Variants in AKAP11 observed in about 807,000 individuals in gnomAD.
The protein encoded by AKAP11 is A-kinase anchoring protein 11.
In AKAP11, 36 loss-of-function variants were observed where a neutral mutation model predicts 146.1. The observed-to-expected ratio is 0.25, with a 90% CI of 0.19 to 0.33. AKAP11 has a LOEUF of 0.33. Among genes scored for constraint, AKAP11 ranks in the 10% least tolerant of loss-of-function variants. AKAP11 has a pLI of 1.00. For missense variants in AKAP11, 2,201 were observed against 2,197.0 expected (o/e 1.00, Z -0.04); for synonymous variants, 780 against 786.5 (o/e 0.99, Z 0.14).
At chr13:42,291,399 C>T (rs1373436678) in intron 3 of AKAP11, among the ~76,000 whole-genome samples, 5 of 152,240 alleles carry the variant, frequency 3.3e-5, no homozygotes, top group African/African-American at 7.2e-5. Context: ...ATTACAGGCA[C>T]GTGGCACCAT....
chr13:42,306,658 TA>T (rs1960275793), intron 8 of AKAP11, among the ~76,000 whole-genome samples: 2 of 152,228 alleles, frequency 1.3e-5, no homozygotes, highest in Non-Finnish European at 2.9e-5. Context: ...TTTCTAAAGT[TA>T]AATTTGTCTT....
At chr13:42,299,315 A>G (rs888232109) in intron 7 of AKAP11, 48 bp from the exon 8 acceptor site, 1 of 1,512,440 alleles carries the variant, frequency 6.6e-7, no homozygotes, top group Non-Finnish European at 8.9e-7. Context: ...TTAATTTCCA[A>G]AAAGTTTTGT....
Position 42,303,658 on chromosome 13 carries a change from C to A in AKAP11, c.4912C>A (p.Pro1638Thr). Residue 1638 changes from proline to threonine, a missense_variant, in exon 8 of 13, where the codon CCT (proline) becomes ACT (threonine). Pro to Thr is a conservative substitution (Grantham distance 38, BLOSUM62 -1). Coordinates refer to ENST00000025301, the MANE Select transcript of AKAP11 (RefSeq NM_016248.4). ...QKSRIFHLSV[P>T]QIHVNLDKKA... is the part of the protein sequence containing the mutation. Reference sequence around the variant, plus strand: ...ATCTAGGATTTTTCATCTCAGTGTCCCTCAGATTCATGTTAATCTTGATAA... The same window carrying A: ...ATCTAGGATTTTTCATCTCAGTGTCACTCAGATTCATGTTAATCTTGATAA... 6.2e-7 allele frequency: 1 copy of A among 1,614,092 alleles called. No homozygotes were observed. The highest frequency in any genetic ancestry group is 8.5e-7 in the Non-Finnish European group (1 of 1,180,014).
At position 42,300,887 on chromosome 13, in the gene AKAP11, C is replaced by T. The variant is rs531419460; in HGVS notation, c.2141C>T (p.Thr714Ile). 12 of 1,614,104 alleles carry T rather than the reference C, an allele frequency of 7.4e-6. No homozygotes were observed. The South Asian group carries it at 1.3e-4, about 18-fold the overall frequency. ...ELSQVDVTFTTKAAVSVSTDN... is the reference protein window; with the variant it reads ...ELSQVDVTFTIKAAVSVSTDN... ...TCACAAGTTGATGTGACCTTTACAA[C>T]AAAGGCAGCAGTTAGTGTCTCTACG... Residue 714 changes from threonine to isoleucine, a missense_variant, in exon 8 of 13, where the codon ACA becomes ATA. This residue lies in a region of AKAP11 where 1,867 missense variants were observed against 1,833.5 expected (regional missense o/e 1.02). Transcript: ENST00000025301.
chr13:42,287,633 T>A (rs1440242809), intron 3 of AKAP11, among the ~76,000 whole-genome samples: 1 of 152,172 alleles, frequency 6.6e-6, no homozygotes, highest in East Asian at 1.9e-4. Flanking sequence ...TAAATTACCT[T>A]TAAATTTAAT....
In AKAP11 at chr13:42,309,037, G is replaced by A. The variant is rs238313; in HGVS notation, c.5273+428G>A. On this transcript the variant is annotated intron_variant, in intron 9 of 12. Coordinates refer to ENST00000025301, the MANE Select transcript of AKAP11 (RefSeq NM_016248.4). The stretch of plus-strand genomic sequence containing the variant: ...TAAAATAGTATCTTTTTGGTGGGGC[G>A]AGGGTCCCTGCTTGTCCTGCTGTTA... 7.0e-3 allele frequency among the ~76,000 whole-genome samples: 1,070 copies of A among 152,230 alleles called. 12 individuals are homozygous for A. Among genetic ancestry groups the A allele is most frequent in the African/African-American group, 0.025 (1,022 of 41,534 alleles).
intron 9 of AKAP11, among the ~76,000 whole-genome samples, chr13:42,310,643 G>C (rs576757808): frequency 6.6e-6 from 1 of 152,242 alleles, no homozygotes; most frequent in African/African-American, 2.4e-5. Context: ...TGGATCACTT[G>C]AGGTCAGGAG....
Position 42,299,905 on chromosome 13 carries a change from A to G in AKAP11, c.1159A>G (p.Lys387Glu). 6.2e-7 allele frequency: 1 copy of G among 1,613,982 alleles called. No homozygotes were observed. Among genetic ancestry groups the G allele is most frequent in the South Asian group, 1.1e-5 (1 of 91,084 alleles). Residue 387 changes from lysine (K) to glutamate (E), a missense_variant, in exon 8 of 13, where the codon AAA (lysine) becomes GAA (glutamate). Around this residue, in one of 3 missense-constraint regions of AKAP11, gnomAD observed 1,867 missense variants for 1,833.5 expected, o/e 1.02. Transcript: ENST00000025301. ...CGTCATAGGGAAGTCATCGCAGAGG[A>G]AAGGGCACAAACATGGAAAGTCATG... Reference protein sequence around the residue: ...DPVIGKSSQRKGHKHGKSCMN... With the variant: ...DPVIGKSSQREGHKHGKSCMN...
chr13:42,298,401 C>G, intron 6 of AKAP11, 132 bp from the exon 7 acceptor site: 1 of 927,502 alleles, frequency 1.1e-6, no homozygotes, highest in Non-Finnish European at 1.6e-6. Context: ...ATTACAAAAC[C>G]AAGGAGCTTT....
chr13:42,297,291 G>A, intron 6 of AKAP11, 109 bp downstream of exon 6: 2 of 763,208 alleles, frequency 2.6e-6, no homozygotes, highest in Non-Finnish European at 3.9e-6. Flanking sequence ...TTTTTTAAAT[G>A]GTATCTCAAG....
Position 42,286,862 on chromosome 13 carries a change from A to G in AKAP11, c.51+463A>G, listed in dbSNP as rs1482432741. The stretch of plus-strand genomic sequence containing the variant: ...CCTCCTCACTTCCTTTCTTAAAACA[A>G]TTTGGTTAACCTTCCATTTCTTGAC... On this transcript the variant is annotated intron_variant, in intron 3 of 12. Coordinates refer to ENST00000025301, the MANE Select transcript of AKAP11 (RefSeq NM_016248.4). 4.6e-5 allele frequency among the ~76,000 whole-genome samples: 7 copies of G among 152,186 alleles called. No individual in the cohort carries two copies. In the East Asian group the frequency reaches 1.2e-3, roughly 25 times the overall value.
Position 42,303,564 on chromosome 13 carries a change from T to C in AKAP11, c.4818T>C (p.Phe1606=), listed in dbSNP as rs993037241. Residue 1606 remains phenylalanine (F), a synonymous_variant, in exon 8 of 13, where the codon TTT becomes TTC. Coordinates refer to ENST00000025301, the MANE Select transcript of AKAP11 (RefSeq NM_016248.4). ...GCACTGGAAATTCATCTCAGCACTTTTTCAGACAGGGTTCTCTCGCCAGTA... is the reference window on the plus strand; with the variant it reads ...GCACTGGAAATTCATCTCAGCACTTCTTCAGACAGGGTTCTCTCGCCAGTA... The part of the protein sequence containing the change: ...HNCTGNSSQH[F]FRQGSLASSK... 4 of 1,614,110 alleles carry C rather than the reference T, an allele frequency of 2.5e-6. No individual in the cohort carries two copies. In the African/African-American group the frequency reaches 5.3e-5, roughly 22 times the overall value.
intron 1 of AKAP11, among the ~76,000 whole-genome samples, chr13:42,278,051 G>A (rs967938787): frequency 2.8e-4 from 43 of 152,170 alleles, no homozygotes; most frequent in African/African-American, 9.2e-4. Flanking sequence ...GGCATCTAGT[G>A]GGTAGAGGCC....
chr13:42,286,808 T>C (rs1032709827), intron 3 of AKAP11, among the ~76,000 whole-genome samples: 1 of 152,240 alleles, frequency 6.6e-6, no homozygotes, highest in Non-Finnish European at 1.5e-5. Context: ...TGATTCTTAA[T>C]CCTTTCTTCC....
intron 8 of AKAP11, 105 bp downstream of exon 8, chr13:42,303,968 A>G: frequency 4.4e-6 from 6 of 1,358,286 alleles, no homozygotes; most frequent in Non-Finnish European, 4.9e-6. Context: ...TTTTAACCCT[A>G]CATAAACAAA....
At chr13:42,288,940 T>G (rs1295030080) in intron 3 of AKAP11, among the ~76,000 whole-genome samples, 4 of 152,192 alleles carry the variant, frequency 2.6e-5, no homozygotes, top group Non-Finnish European at 5.9e-5. Flanking sequence ...TAGGGTGATG[T>G]GAGGACAGAA....
At chr13:42,296,967 T>G (rs1959552243) in intron 5 of AKAP11, 81 bp from the exon 6 acceptor site, 1 of 1,301,792 alleles carries the variant, frequency 7.7e-7, no homozygotes, top group African/African-American at 1.6e-5. Flanking sequence ...ACCTTAAAAT[T>G]TTTGGATAGG....
At chr13:42,298,502 A>C in intron 6 of AKAP11, 31 bp from the exon 7 acceptor site, 1 of 1,598,668 alleles carries the variant, frequency 6.3e-7, no homozygotes, top group South Asian at 1.1e-5. Context: ...TGAAATTAAA[A>C]TTGTTTTTAT....
In AKAP11 at chr13:42,302,015, AAGTC is replaced by A; in HGVS notation, c.3272_3275del (p.Val1091GlufsTer5). On this transcript the variant is annotated frameshift_variant, in exon 8 of 13. Coordinates refer to ENST00000025301, the MANE Select transcript of AKAP11 (RefSeq NM_016248.4). LOFTEE classifies it high-confidence loss of function. ...GGTTTGCATGTGGAAGATAAACAGA[AAGTC>A]AGAGACAGAAATGTAATACCTGATA... 1.9e-6 allele frequency: 3 copies of A among 1,614,138 alleles called. No homozygotes were observed. The highest frequency in any genetic ancestry group is 2.5e-6 in the Non-Finnish European group (3 of 1,179,992).
Sources: gnomAD v4.1 joint callset for allele counts (sites outside exome capture counted in the v4.1 genomes callset) on GRCh38, gnomAD v4.1.1 for gene constraint, gnomAD v4.1.1 regional missense constraint, MANE v1.5 for transcripts, NCBI Gene and HGNC (gene_info 2026-07-23, HGNC 2026-07-21) for gene names.